Variants in MED25 observed in about 807,000 individuals in gnomAD.
MED25 encodes the protein mediator complex subunit 25.
Under a neutral mutation model 89.4 loss-of-function variants are expected in MED25, and 62 were observed. The ratio of observed to expected loss-of-function variants is 0.69; its 90% CI spans 0.57 to 0.86. The LOEUF is 0.86. MED25 is among the 40% of genes least tolerant of loss of function. The pLI is 0.00. For missense variants in MED25, 905 were observed against 1,005.2 expected, an observed-to-expected ratio of 0.90 and a Z score of 1.35; for synonymous variants, 449 against 427.9, an observed-to-expected ratio of 1.05 and a Z score of -0.61.
Position 49,828,494 on chromosome 19 carries a change from A to C in MED25, c.351A>C (p.Gly117=). 1.2e-6 allele frequency: 2 copies of C among 1,614,112 alleles called. No individual in the cohort carries two copies. Among genetic ancestry groups the C allele is most frequent in the South Asian group, 2.2e-5 (2 of 91,088 alleles). The change falls in exon 4 of 18, where the codon GGA becomes GGC. Residue 117 remains glycine (G), a synonymous_variant. Coordinates refer to ENST00000312865, the MANE Select transcript of MED25 (RefSeq NM_030973.4). ...GGESCSLIAE[G]LSTALQLFDD... ...AGAGCTGCAGCCTCATCGCGGAAGG[A>C]CTCAGCACAGCCTTGCAGCTGTTTG...
chr19:49,823,863 G>T (rs991380897), intron 3 of MED25, among the ~76,000 whole-genome samples: 3 of 152,090 alleles, frequency 2.0e-5, no homozygotes, highest in Non-Finnish European at 4.4e-5. Context: ...GGTATTGTAG[G>T]ATGTTTAACA....
intron 4 of MED25, 96 bp from the exon 5 acceptor site, chr19:49,828,874 G>A (rs2074033114): frequency 1.3e-6 from 2 of 1,574,920 alleles, no homozygotes; most frequent in African/African-American, 1.4e-5. Context: ...GATTCCATGT[G>A]AGGCGGAATA....
In MED25 at chr19:49,829,751, G is replaced by A. The variant is rs2074039799; in HGVS notation, c.526-35G>A. On this transcript the variant is annotated intron_variant, in intron 5 of 17. Transcript: ENST00000312865. The surrounding 1 kb of genome is among the most constrained non-coding windows in gnomAD (Gnocchi z 4.6). Reference sequence around the variant, plus strand: ...GCCGGCCCCAACACCCTTATGGAGGGGGCCCGTCATGACTGCTCGGCCCCT... The same window carrying A: ...GCCGGCCCCAACACCCTTATGGAGGAGGCCCGTCATGACTGCTCGGCCCCT... 1.3e-6 allele frequency: 2 copies of A among 1,560,318 alleles called. No individual in the cohort carries two copies. Among genetic ancestry groups the A allele is most frequent in the African/African-American group, 1.4e-5 (1 of 73,572 alleles).
At chr19:49,820,015 T>C in intron 3 of MED25, 1 of 154,184 alleles carries the variant, frequency 6.5e-6, no homozygotes, top group Non-Finnish European at 1.4e-5. Flanking sequence ...TTTTTGTATT[T>C]TTAGTAGAGA....
rs191366132 is a variant in MED25 at position 49,830,545 on chromosome 19, C to A, written c.854C>A (p.Ala285Glu). The A allele has an allele frequency of 2.5e-6, 4 of 1,614,126 alleles. No homozygotes were observed. Among genetic ancestry groups the A allele is most frequent in the Non-Finnish European group, 3.4e-6 (4 of 1,180,016 alleles). ...AACCTGAGTGCAGCTCAGGTGGCCG[C>A]GCAGAATGCAGTGGAGGCTGCCAAG... ...PGNLSAAQVA[A>E]QNAVEAAKNQ... The change falls in exon 8 of 18, where the codon GCG becomes GAG. Residue 285 changes from alanine to glutamate, a missense_variant. Transcript: ENST00000312865. This position sits in a 1 kb window ranked among gnomAD's most constrained non-coding sequence, Gnocchi z 4.6.
At chr19:49,832,280 T>C in intron 12 of MED25, 28 bp from the exon 13 acceptor site, 1 of 1,523,716 alleles carries the variant, frequency 6.6e-7, no homozygotes, top group Non-Finnish European at 9.0e-7. Context: ...CACACCAGCA[T>C]GCCAGCCGAC....
Position 49,835,256 on chromosome 19 carries a change from A to C in MED25, c.1674+79A>C. 6.8e-7 allele frequency: 1 copy of C among 1,461,764 alleles called. No individual in the cohort carries two copies. The highest frequency in any genetic ancestry group is 9.6e-7 in the Non-Finnish European group (1 of 1,042,504). 90.5% of individuals were successfully genotyped at this position (1,461,764 alleles called of 1,614,324 possible). On this transcript the variant is annotated intron_variant, in intron 14 of 17. Transcript: ENST00000312865. This position sits in a 1 kb window ranked among gnomAD's most constrained non-coding sequence, Gnocchi z 6.2. ...CACATGGCCCCCTGGGGTCTCCAGG[A>C]CCAAGATGCCCACCCTTCTCCCAAT...
Position 49,836,621 on chromosome 19 carries a change from G to C in MED25, c.2146+215G>C. The C allele has an allele frequency of 1.3e-6, 1 of 747,732 alleles. No individual in the cohort carries two copies. The highest frequency in any genetic ancestry group is 2.4e-6 in the Non-Finnish European group (1 of 418,562). 46.3% of individuals were successfully genotyped at this position (747,732 alleles called of 1,614,324 possible). ...TAAGAGCGTTTCCCATGATCCTCCT[G>C]TGTGTGCTCCTGGGATTGCTGGGAA... On this transcript the variant is annotated intron_variant, in intron 17 of 17. Transcript: ENST00000312865. The surrounding 1 kb of genome is among the most constrained non-coding windows in gnomAD (Gnocchi z 5.1).
In MED25 at chr19:49,818,581, G is replaced by GGTGGTCCTC. The variant is rs749854712; in HGVS notation, c.146_154dup (p.Pro51_Pro52insArgGlyPro). ...TTCCTACCCTCACAGGTATTTTAAT[G>GGTGGTCCTC]GTGGTCCTCCTGCTGAGACGGACTT... On this transcript the variant is annotated inframe_insertion, in exon 2 of 18. Transcript: ENST00000312865. 6.2e-7 allele frequency: 1 copy of GGTGGTCCTC among 1,614,168 alleles called. No individual in the cohort carries two copies.
chr19:49,835,695 A>T lies in MED25; in HGVS notation c.1747-32A>T, dbSNP rs745944033. The T allele has an allele frequency of 6.2e-7, 1 of 1,600,196 alleles. No homozygotes were observed. Among genetic ancestry groups the T allele is most frequent in the South Asian group, 1.1e-5 (1 of 89,022 alleles). ...GCAGAAGGGGCGTGAGGCCCTGCCC[A>T]TCTCCCTCACCCCTGTGTCTCTTCC... On this transcript the variant is annotated intron_variant, in intron 15 of 17. Coordinates refer to ENST00000312865, the MANE Select transcript of MED25 (RefSeq NM_030973.4). This position sits in a 1 kb window ranked among gnomAD's most constrained non-coding sequence, Gnocchi z 6.2.
Position 49,835,316 on chromosome 19 carries a change from T to G in MED25, c.1674+139T>G. 9.4e-7 allele frequency: 1 copy of G among 1,069,462 alleles called. No homozygotes were observed. The highest frequency in any genetic ancestry group is 1.4e-6 in the Non-Finnish European group (1 of 702,592). 66.2% of individuals were successfully genotyped at this position (1,069,462 alleles called of 1,614,324 possible). On this transcript the variant is annotated intron_variant, in intron 14 of 17. Transcript: ENST00000312865. The surrounding 1 kb of genome is among the most constrained non-coding windows in gnomAD (Gnocchi z 6.2). ...CTCCAAGCTAAGTCCCACTCAGATT[T>G]TCTTGCAGTCTCTCTCCTTTTTCAG...
Position 49,836,022 on chromosome 19 carries a change from G to A in MED25, c.1965+77G>A. On this transcript the variant is annotated intron_variant, in intron 16 of 17. Transcript: ENST00000312865. This position sits in a 1 kb window ranked among gnomAD's most constrained non-coding sequence, Gnocchi z 5.1. ...TCTGGTCCTGTTGTCTGGGAGGAGG[G>A]AGGTTGACTGTGGTCAGTGGGTGTG... is the stretch of plus-strand genomic sequence containing the variant. 15 of 1,572,096 alleles carry A rather than the reference G, an allele frequency of 9.5e-6. No homozygotes were observed. Among genetic ancestry groups the A allele is most frequent in the Non-Finnish European group, 1.3e-5 (15 of 1,160,464 alleles).
Position 49,831,331 on chromosome 19 carries a change from A to C in MED25, c.1102-2A>C, listed in dbSNP as rs1303255643. On this transcript the variant is annotated splice_acceptor_variant, in intron 9 of 17. Transcript: ENST00000312865. LOFTEE classifies it high-confidence loss of function. This position sits in a 1 kb window ranked among gnomAD's most constrained non-coding sequence, Gnocchi z 5.0. Reference sequence around the variant, plus strand: ...ATGGCCCTCCTTCCTCCCCTCTGGCAGGCAGGCACTGTGGCCCCAGGAGGG... The same window carrying C: ...ATGGCCCTCCTTCCTCCCCTCTGGCCGGCAGGCACTGTGGCCCCAGGAGGG... 1 of 1,610,228 alleles carries C rather than the reference A, an allele frequency of 6.2e-7. No individual in the cohort carries two copies. Among genetic ancestry groups the C allele is most frequent in the African/African-American group, 1.3e-5 (1 of 74,884 alleles).
chr19:49,830,201 G>T lies in MED25; in HGVS notation c.802G>T (p.Val268Phe), dbSNP rs1015978148. ...SAAPQQPLPP[V>F]PPQYQVPGNL... Reference sequence around the variant, plus strand: ...AGCCCCCCAGCAGCCTCTGCCCCCCGTCCCCCCGCAGTACCAGGTATGGAT... The same window carrying T: ...AGCCCCCCAGCAGCCTCTGCCCCCCTTCCCCCCGCAGTACCAGGTATGGAT... Residue 268 changes from valine (V) to phenylalanine (F), a missense_variant, in exon 7 of 18, where the codon GTC becomes TTC. Val to Phe is a conservative substitution (Grantham distance 50). Around this residue, in one of 3 missense-constraint regions of MED25, gnomAD observed 501 missense variants for 526.9 expected, o/e 0.95. Coordinates refer to ENST00000312865, the MANE Select transcript of MED25 (RefSeq NM_030973.4). This position sits in a 1 kb window ranked among gnomAD's most constrained non-coding sequence, Gnocchi z 4.6. 6.2e-7 allele frequency: 1 copy of T among 1,603,708 alleles called. No individual in the cohort carries two copies. Among genetic ancestry groups the T allele is most frequent in the Non-Finnish European group, 8.5e-7 (1 of 1,173,970 alleles).
rs372191174 is a variant in MED25, at chr19:49,832,118, C to T, written c.1335C>T (p.Pro445=). The T allele has an allele frequency of 5.8e-5, 93 of 1,613,102 alleles. No homozygotes were observed. Among genetic ancestry groups the T allele is most frequent in the Non-Finnish European group, 7.8e-5 (92 of 1,180,034 alleles). ...HGENLKTEQW[P]QKLIMQLIPQ... is the part of the protein sequence containing the mutation. ...CCCCCAGGAAGACGGAGCAGTGGCC[C>T]CAGAAGCTGATCATGCAGCTCATCC... The change falls in exon 12 of 18, where the codon CCC becomes CCT. Residue 445 remains proline (P), a synonymous_variant. Coordinates refer to ENST00000312865, the MANE Select transcript of MED25 (RefSeq NM_030973.4).
downstream of MED25, chr19:49,839,958 G>C (rs1273439587): frequency 6.6e-6 from 1 of 152,198 alleles, no homozygotes; most frequent in African/African-American, 2.4e-5. Flanking sequence ...TACGGCGCTG[G>C]TTCCTAAATA....
chr19:49,839,217 A>AGTC (rs2074118905), downstream of MED25: 2 of 174,712 alleles, frequency 1.1e-5, no homozygotes, highest in South Asian at 2.5e-4. Context: ...GGAAAGGACT[A>AGTC]ATTTTTTTTG....
rs1600323597 is a variant in MED25, at chr19:49,829,232, A to C, written c.525+142A>C. 1.4e-6 allele frequency: 1 copy of C among 726,204 alleles called. No homozygotes were observed. Among genetic ancestry groups the C allele is most frequent in the East Asian group, 2.7e-5 (1 of 36,380 alleles). 45.0% of individuals were successfully genotyped at this position (726,204 alleles called of 1,614,324 possible). On this transcript the variant is annotated intron_variant, in intron 5 of 17. Coordinates refer to ENST00000312865, the MANE Select transcript of MED25 (RefSeq NM_030973.4). The surrounding 1 kb of genome is among the most constrained non-coding windows in gnomAD (Gnocchi z 4.6). ...GACTCTTGGGTCTAAGCGGGGAGGC[A>C]CTGGGGGCCTGGACTCAGACACAGA...
Position 49,819,159 on chromosome 19 carries a change from C to T in MED25, c.181-13C>T, listed in dbSNP as rs377070498. The T allele has an allele frequency of 7.6e-5, 122 of 1,613,998 alleles. No homozygotes were observed. The highest frequency in any genetic ancestry group is 1.6e-4 in the Middle Eastern group (1 of 6,084). On this transcript the variant is annotated splice_polypyrimidine_tract_variant and intron_variant, in intron 2 of 17. Transcript: ENST00000312865. ...AGGTCCCAGATTAAAAGTTTTCTGTCCTCCCCTCCCAGTATGGGGGGACCC... is the reference window on the plus strand; with the variant it reads ...AGGTCCCAGATTAAAAGTTTTCTGTTCTCCCCTCCCAGTATGGGGGGACCC...
Sources: allele counts gnomAD v4.1 joint callset (sites outside exome capture counted in the v4.1 genomes callset), GRCh38; gene constraint gnomAD v4.1.1; regional missense constraint gnomAD v4.1.1; non-coding constraint Gnocchi (gnomAD v3.1); transcripts MANE v1.5; gene names NCBI Gene and HGNC (gene_info 2026-07-23, HGNC 2026-07-21).